CGNL1: variants seen among roughly 807,000 people sequenced by gnomAD.
CGNL1 encodes the protein cingulin like 1, also known as cingulin-like protein 1.
Under a neutral mutation model 141.2 loss-of-function variants are expected in CGNL1, and 132 were observed. That is an observed-to-expected ratio of 0.93 (90% confidence interval 0.81 to 1.08). The LOEUF is 1.08. CGNL1 is among the 50% of genes least tolerant of loss of function. The pLI, the probability that CGNL1 is intolerant of heterozygous loss-of-function variation, is 0.00. For synonymous variants in CGNL1, 690 were observed against 622.1 expected, an observed-to-expected ratio of 1.11 and a Z score of -1.63; for missense variants, 1,870 against 1,588.6, an observed-to-expected ratio of 1.18 and a Z score of -3.01.
At chr15:57,449,382 T>C (rs796101572) in intron 4 of CGNL1, among the ~76,000 whole-genome samples, 1 of 152,328 alleles carries the variant, frequency 6.6e-6, no homozygotes, top group South Asian at 2.1e-4. Context: ...TGGACACTTT[T>C]CTCACTTAAA....
At chr15:57,388,383 G>A (rs1425369414) in intron 1 of CGNL1, among the ~76,000 whole-genome samples, 7 of 152,178 alleles carry the variant, frequency 4.6e-5, no homozygotes, top group African/African-American at 9.7e-5. Flanking sequence ...AGGGGAGCCC[G>A]GAGCTGCTGA....
chr15:57,403,989 C>G (rs926147862), intron 1 of CGNL1, among the ~76,000 whole-genome samples: 2 of 152,230 alleles, frequency 1.3e-5, no homozygotes, highest in African/African-American at 4.8e-5. Flanking sequence ...CAAGAGTTTG[C>G]TGCCCAGGGA....
chr15:57,386,879 G>A (rs1340155689), intron 1 of CGNL1, among the ~76,000 whole-genome samples: 2 of 152,108 alleles, frequency 1.3e-5, no homozygotes, highest in Non-Finnish European at 2.9e-5. Context: ...TCCTGATTTA[G>A]GAGCTGAAAA....
At chr15:57,544,062 CAT>C (rs2032716473) in intron 15 of CGNL1, among the ~76,000 whole-genome samples, 1 of 152,218 alleles carries the variant, frequency 6.6e-6, no homozygotes, top group South Asian at 2.1e-4. Flanking sequence ...TCATCAAACA[CAT>C]GAGTGGCTCA....
intron 8 of CGNL1, among the ~76,000 whole-genome samples, chr15:57,493,059 G>T (rs2152380181): frequency 6.6e-6 from 1 of 152,248 alleles, no homozygotes; most frequent in South Asian, 2.1e-4. Flanking sequence ...TGATTCTGAG[G>T]TCTGGTTTGA....
chr15:57,390,476 G>A (rs1343826286), intron 1 of CGNL1, among the ~76,000 whole-genome samples: 1 of 152,184 alleles, frequency 6.6e-6, no homozygotes, highest in Non-Finnish European at 1.5e-5. Context: ...AAGTATACCT[G>A]GCCAGTTCTA....
chr15:57,423,274 C>T (rs1418435437), intron 1 of CGNL1, among the ~76,000 whole-genome samples: 4 of 152,118 alleles, frequency 2.6e-5, no homozygotes, highest in Non-Finnish European at 5.9e-5. Flanking sequence ...GGTAATGGTC[C>T]TGCTCAGAAA....
chr15:57,482,558 A>G (rs1595751141), intron 8 of CGNL1, among the ~76,000 whole-genome samples: 2 of 152,316 alleles, frequency 1.3e-5, no homozygotes, highest in South Asian at 2.1e-4. Flanking sequence ...TCTTCCTGCA[A>G]TAATTGCTTT....
At chr15:57,390,952 C>T (rs1472286499) in intron 1 of CGNL1, among the ~76,000 whole-genome samples, 2 of 152,076 alleles carry the variant, frequency 1.3e-5, no homozygotes, top group Non-Finnish European at 2.9e-5. Flanking sequence ...CTTGCCTCAG[C>T]CTAAGTCCCA....
chr15:57,410,910 G>C (rs2062779459), intron 1 of CGNL1, among the ~76,000 whole-genome samples: 1 of 152,136 alleles, frequency 6.6e-6, no homozygotes, highest in Admixed American at 6.5e-5. Flanking sequence ...AATCAGATTT[G>C]CTTGAAAACA....
At position 57,529,388 on chromosome 15, in the gene CGNL1, G is replaced by C. The variant is rs77992193; in HGVS notation, c.3201+573G>C. Among the ~76,000 whole-genome samples, 303 of 152,328 alleles carry C rather than the reference G, an allele frequency of 2.0e-3. 6 individuals are homozygous for C. The South Asian group carries it at 0.043, about 22-fold the overall frequency. On this transcript the variant is annotated intron_variant, in intron 13 of 18. Coordinates refer to ENST00000281282, the MANE Select transcript of CGNL1 (RefSeq NM_032866.5). ...CAGAAAGTGCTGAATGCACTCACCAGATGGGGGTGATCTAGTCACAAGCTG... is the reference window on the plus strand; with the variant it reads ...CAGAAAGTGCTGAATGCACTCACCACATGGGGGTGATCTAGTCACAAGCTG...
At chr15:57,519,447 A>G (rs2031090208) in intron 10 of CGNL1, among the ~76,000 whole-genome samples, 1 of 152,118 alleles carries the variant, frequency 6.6e-6, no homozygotes, top group Non-Finnish European at 1.5e-5. Context: ...AGTATAGAGG[A>G]GAGGAAGGAT....
intron 12 of CGNL1, chr15:57,527,293 G>C (rs2031673034): frequency 6.6e-6 from 1 of 152,214 alleles, no homozygotes; most frequent in South Asian, 2.1e-4. Flanking sequence ...ATTTCCTCAA[G>C]CTTTTCCACG....
chr15:57,452,909 G>T (rs892777748), intron 6 of CGNL1, among the ~76,000 whole-genome samples: 2 of 152,174 alleles, frequency 1.3e-5, no homozygotes, highest in Non-Finnish European at 2.9e-5. Flanking sequence ...TCAAGAAAAA[G>T]AGGACATTAT....
rs765549295 is a variant in CGNL1, at chr15:57,438,014, C to T, written c.15C>T (p.Phe5=). Residue 5 remains phenylalanine, a synonymous_variant, in exon 2 of 19, where the codon TTC becomes TTT. Transcript: ENST00000281282. MELY[F]GEYQHVQQEY... is the part of the protein sequence containing the mutation. ...AACAGTGAACCATGGAGCTGTATTT[C>T]GGTGAATATCAACATGTGCAGCAGG... 21 of 1,611,866 alleles carry T rather than the reference C, an allele frequency of 1.3e-5. No homozygotes were observed. The highest frequency in any genetic ancestry group is 3.3e-5 in the South Asian group (3 of 91,030).
chr15:57,457,098 T>C (rs1003308969), intron 7 of CGNL1, among the ~76,000 whole-genome samples: 2 of 152,202 alleles, frequency 1.3e-5, no homozygotes, highest in Non-Finnish European at 1.5e-5. Context: ...CTTTGTCAGC[T>C]ACCGTTGCTA....
intron 8 of CGNL1, among the ~76,000 whole-genome samples, chr15:57,472,494 T>G (rs2063595178): frequency 6.6e-6 from 1 of 152,132 alleles, no homozygotes; most frequent in African/African-American, 2.4e-5. Flanking sequence ...GACAGATTAC[T>G]TCCATGGAAA....
intron 8 of CGNL1, among the ~76,000 whole-genome samples, chr15:57,470,965 C>G (rs1300897311): frequency 6.6e-6 from 1 of 152,186 alleles, no homozygotes; most frequent in East Asian, 1.9e-4. Flanking sequence ...TTCGAAGAAC[C>G]TCTCTAGGAG....
At chr15:57,419,883 C>G (rs142842048) in intron 1 of CGNL1, among the ~76,000 whole-genome samples, 1,591 of 152,284 alleles carry the variant, frequency 0.01, 24 homozygotes, top group African/African-American at 0.036. Flanking sequence ...TCCTCTGGGG[C>G]AGGTTATCTA....
Sources: allele counts gnomAD v4.1 joint callset (sites outside exome capture counted in the v4.1 genomes callset), GRCh38; gene constraint gnomAD v4.1.1; transcripts MANE v1.5; gene names NCBI Gene and HGNC (gene_info 2026-07-23, HGNC 2026-07-21).